Variants in UTS2 observed in about 807,000 individuals in gnomAD.
The protein encoded by UTS2 is urotensin-2.
Under a neutral mutation model 12.6 loss-of-function variants are expected in UTS2, and 10 were observed. The observed-to-expected ratio is 0.80, with a 90% CI of 0.49 to 1.35. UTS2 has a LOEUF of 1.35. Among genes scored for constraint, UTS2 ranks in the 40% most tolerant of loss-of-function variants. The pLI, the probability that UTS2 is intolerant of heterozygous loss-of-function variation, is 0.00. For synonymous variants in UTS2, 52 were observed against 50.0 expected (o/e 1.04, Z -0.17); for missense variants, 142 against 143.2 (o/e 0.99, Z 0.04).
At chr1:7,908,623 T>G in the UTS2 span, among the ~76,000 whole-genome samples, 1 of 152,032 alleles carries the variant, frequency 6.6e-6, no homozygotes, top group Middle Eastern at 3.2e-3. Context: ...TTTAGAAATT[T>G]TGTGGCTCTG....
the UTS2 span, among the ~76,000 whole-genome samples, chr1:7,879,440 T>C: frequency 6.6e-6 from 1 of 151,944 alleles, no homozygotes; most frequent in Non-Finnish European, 1.5e-5. Context: ...AAAAAGGAAA[T>C]TTAATAAGTC....
At chr1:7,909,699 C>A in the UTS2 span, among the ~76,000 whole-genome samples, 2 of 152,032 alleles carry the variant, frequency 1.3e-5, no homozygotes, top group Non-Finnish European at 2.9e-5. Flanking sequence ...CGGCTCACTG[C>A]AACCTCTGCC....
chr1:7,862,315 C>G, the UTS2 span, among the ~76,000 whole-genome samples: 6 of 152,048 alleles, frequency 3.9e-5, no homozygotes, highest in Admixed American at 2.6e-4. Context: ...CGCTATGTCC[C>G]CTGCATGCTC....
the UTS2 span, among the ~76,000 whole-genome samples, chr1:7,870,540 C>T: frequency 1.3e-5 from 2 of 152,206 alleles, no homozygotes; most frequent in African/African-American, 4.8e-5. Context: ...TAAGTAAATT[C>T]TGCGTAGTGC....
the UTS2 span, among the ~76,000 whole-genome samples, chr1:7,889,998 C>T: frequency 1.3e-5 from 2 of 151,582 alleles, no homozygotes; most frequent in African/African-American, 4.9e-5. Flanking sequence ...ACCCGGGAGG[C>T]GGATCTTGCA....
chr1:7,886,499 A>T, the UTS2 span, among the ~76,000 whole-genome samples: 1 of 152,164 alleles, frequency 6.6e-6, no homozygotes, highest in Admixed American at 6.5e-5. Context: ...TACATTTTTC[A>T]TTAAAAGGCA....
chr1:7,906,477 A>AAGAAAGAAAGAAAGAAAGAAAGAAAG, the UTS2 span, among the ~76,000 whole-genome samples: 150 of 149,112 alleles, frequency 1.0e-3, no homozygotes, highest in African/African-American at 3.7e-3. Flanking sequence ...GAAAGAAAGA[A>AAGAAAGAAAGAAAGAAAGAAAGAAAG]AGAAAGAAAG....
At chr1:7,887,166 C>G in the UTS2 span, among the ~76,000 whole-genome samples, 1 of 150,884 alleles carries the variant, frequency 6.6e-6, no homozygotes, top group Admixed American at 6.6e-5. Context: ...GGGACATGGA[C>G]CATGACAGTA....
At chr1:7,880,933 C>T in the UTS2 span, among the ~76,000 whole-genome samples, 2 of 152,090 alleles carry the variant, frequency 1.3e-5, no homozygotes, top group Non-Finnish European at 2.9e-5. Flanking sequence ...AACAGCACAT[C>T]AAAAAGATAA....
At chr1:7,905,147 C>CA in the UTS2 span, among the ~76,000 whole-genome samples, 1 of 136,464 alleles carries the variant, frequency 7.3e-6, no homozygotes, top group Non-Finnish European at 1.6e-5. Context: ...TTTCTTTTTT[C>CA]TTTTTTTTTT....
the UTS2 span, among the ~76,000 whole-genome samples, chr1:7,888,625 A>ATGTC: frequency 6.6e-6 from 1 of 152,218 alleles, no homozygotes; most frequent in Non-Finnish European, 1.5e-5. Flanking sequence ...CAAAGACACA[A>ATGTC]TGTCTAAGAC....
the UTS2 span, among the ~76,000 whole-genome samples, chr1:7,879,791 A>C: frequency 6.6e-6 from 1 of 152,144 alleles, no homozygotes; most frequent in Non-Finnish European, 1.5e-5. Context: ...TGAAAACAGA[A>C]TATATCAAAA....
chr1:7,864,327 G>A, the UTS2 span, among the ~76,000 whole-genome samples: 12 of 152,026 alleles, frequency 7.9e-5, no homozygotes, highest in South Asian at 4.2e-4. Context: ...TTGTCCTGCC[G>A]GACTAAAGAA....
At chr1:7,890,751 C>T in the UTS2 span, among the ~76,000 whole-genome samples, 25 of 134,428 alleles carry the variant, frequency 1.9e-4, no homozygotes, top group African/African-American at 6.5e-4. Flanking sequence ...AAAAAATGAA[C>T]CAGGCATGGT....
At chr1:7,885,658 G>A in the UTS2 span, among the ~76,000 whole-genome samples, 2 of 152,002 alleles carry the variant, frequency 1.3e-5, no homozygotes, top group Non-Finnish European at 2.9e-5. Context: ...CAGGTGAGGC[G>A]GGGCGTGACT....
At chr1:7,851,971 A>G (rs565612286) in intron 1 of UTS2, among the ~76,000 whole-genome samples, 2 of 152,014 alleles carry the variant, frequency 1.3e-5, no homozygotes, top group African/African-American at 4.8e-5. Flanking sequence ...AATAGCAGAG[A>G]TTCAGTAAAG....
chr1:7,875,985 A>G, the UTS2 span, among the ~76,000 whole-genome samples: 2 of 152,148 alleles, frequency 1.3e-5, no homozygotes, highest in African/African-American at 4.8e-5. Flanking sequence ...GTACCCAAGC[A>G]TACTCTCCAG....
the UTS2 span, among the ~76,000 whole-genome samples, chr1:7,867,148 G>A: frequency 3.3e-5 from 5 of 152,150 alleles, no homozygotes; most frequent in African/African-American, 4.8e-5. Flanking sequence ...GAGATTACAG[G>A]TGTGAGCCAC....
the UTS2 span, among the ~76,000 whole-genome samples, chr1:7,910,201 G>C: frequency 6.6e-6 from 1 of 152,032 alleles, no homozygotes; most frequent in Non-Finnish European, 1.5e-5. Context: ...CCTTCCCCAA[G>C]GTGGGTCACA....
Sources: gnomAD v4.1 joint callset for allele counts (sites outside exome capture counted in the v4.1 genomes callset) on GRCh38, gnomAD v4.1.1 for gene constraint, MANE v1.5 for transcripts, NCBI Gene and HGNC (gene_info 2026-07-23, HGNC 2026-07-21) for gene names.